Variants in CACNA2D1 observed in about 807,000 individuals in gnomAD.
CACNA2D1 encodes the protein voltage-dependent calcium channel subunit alpha-2/delta-1.
A neutral mutation model predicts 171.5 loss-of-function variants in CACNA2D1; 53 were observed. That is an observed-to-expected ratio of 0.31 (90% CI 0.25 to 0.39). The LOEUF (loss-of-function observed/expected upper bound fraction) is 0.39. Ranked by LOEUF, CACNA2D1 falls within the 10% of genes least tolerant of loss-of-function variation. The pLI is 1.00. For synonymous variants in CACNA2D1, 442 were observed against 443.1 expected (o/e 1.00, Z 0.03); for missense variants, 903 against 1,299.8 (o/e 0.69, Z 4.69).
chr7:82,302,001 TCACC>T (rs1478571055), intron 3 of CACNA2D1, among the ~76,000 whole-genome samples: 2 of 151,954 alleles, frequency 1.3e-5, no homozygotes, highest in African/African-American at 4.8e-5. Flanking sequence ...CTCAGGTAAT[TCACC>T]CACCTCAGCC....
chr7:82,276,405 A>G (rs1352227368), intron 3 of CACNA2D1, among the ~76,000 whole-genome samples: 1 of 152,190 alleles, frequency 6.6e-6, no homozygotes, highest in African/African-American at 2.4e-5. Flanking sequence ...GACGTAGAGA[A>G]GCAAGGATAG....
intron 34 of CACNA2D1, among the ~76,000 whole-genome samples, chr7:81,963,052 G>C (rs1794329456): frequency 6.6e-6 from 1 of 151,790 alleles, no homozygotes. Context: ...CAAATTTCTA[G>C]AACTGAATTT....
chr7:82,043,731 A>G (rs1804218552), intron 10 of CACNA2D1, among the ~76,000 whole-genome samples: 1 of 152,168 alleles, frequency 6.6e-6, no homozygotes, highest in South Asian at 2.1e-4. Flanking sequence ...AATATTTCTG[A>G]GAAGAGGGAC....
chr7:81,974,655 CT>C, intron 24 of CACNA2D1, 103 bp from the exon 25 acceptor site: 1 of 640,284 alleles, frequency 1.6e-6, no homozygotes, highest in South Asian at 1.7e-5. Context: ...AGCCACAAGA[CT>C]TTGCAAACTA....
intron 3 of CACNA2D1, among the ~76,000 whole-genome samples, chr7:82,236,411 G>A (rs185887470): frequency 2.0e-5 from 3 of 152,128 alleles, no homozygotes; most frequent in Admixed American, 2.0e-4. Context: ...CAAACTGATA[G>A]GTACTCTAGA....
At chr7:82,252,475 C>T (rs1287763350) in intron 3 of CACNA2D1, among the ~76,000 whole-genome samples, 3 of 152,136 alleles carry the variant, frequency 2.0e-5, no homozygotes, top group Non-Finnish European at 4.4e-5. Flanking sequence ...TTATTGAATG[C>T]CCGCTGCACT....
intron 1 of CACNA2D1, among the ~76,000 whole-genome samples, chr7:82,350,522 A>G (rs1381476768): frequency 6.6e-6 from 1 of 152,106 alleles, no homozygotes; most frequent in African/African-American, 2.4e-5. Flanking sequence ...AAAACTAGCC[A>G]GGCTTGGTGG....
chr7:82,146,842 T>A (rs1793183615), intron 4 of CACNA2D1, among the ~76,000 whole-genome samples: 1 of 151,096 alleles, frequency 6.6e-6, no homozygotes, highest in African/African-American at 2.4e-5. Flanking sequence ...AAAAATTAGT[T>A]GGCCATGGTG....
chr7:82,198,651 A>G (rs1190461260), intron 3 of CACNA2D1, among the ~76,000 whole-genome samples: 3 of 151,228 alleles, frequency 2.0e-5, no homozygotes, highest in African/African-American at 7.3e-5. Context: ...ATTCAAACAC[A>G]AAGAGATATC....
chr7:82,058,643 T>A (rs868825414), intron 10 of CACNA2D1, among the ~76,000 whole-genome samples: 1 of 152,102 alleles, frequency 6.6e-6, no homozygotes, highest in African/African-American at 2.4e-5. Flanking sequence ...CAGTATCAAG[T>A]TTTAATAAAT....
At chr7:82,436,941 G>A (rs1425455571) in intron 1 of CACNA2D1, among the ~76,000 whole-genome samples, 1 of 151,996 alleles carries the variant, frequency 6.6e-6, no homozygotes, top group East Asian at 1.9e-4. Flanking sequence ...TATCCCTAAG[G>A]TATTGGGCAA....
intron 4 of CACNA2D1, among the ~76,000 whole-genome samples, chr7:82,165,058 T>A (rs898084851): frequency 6.6e-6 from 1 of 151,928 alleles, no homozygotes; most frequent in Non-Finnish European, 1.5e-5. Context: ...TTTAGGACAT[T>A]GGCAGCAATC....
Position 82,208,012 on chromosome 7 carries a change from A to G in CACNA2D1, c.295-37403T>C, listed in dbSNP as rs11976566. Among the ~76,000 whole-genome samples the G allele has an allele frequency of 1.0e-2, 1,517 of 152,288 alleles. 25 individuals are homozygous for G. Among genetic ancestry groups the G allele is most frequent in the African/African-American group, 0.035 (1,446 of 41,560 alleles). ...CTAACTTTTAATGGCAAATAGCAAC[A>G]TATCACATTCTGACTTGCTGTGAAC... On this transcript the variant is annotated intron_variant, in intron 3 of 38. Transcript: ENST00000356860.
At chr7:82,443,289 A>C (rs1376282599) in intron 1 of CACNA2D1, 76 bp downstream of exon 1, 39 of 1,270,590 alleles carry the variant, frequency 3.1e-5, no homozygotes, top group Non-Finnish European at 3.1e-5. Flanking sequence ...AAGCCCCGCG[A>C]CTCGGGAACC....
chr7:81,952,522 C>T (rs146984312), intron 38 of CACNA2D1, among the ~76,000 whole-genome samples: 6 of 152,246 alleles, frequency 3.9e-5, no homozygotes, highest in African/African-American at 1.2e-4. Context: ...TCTTAGTCTT[C>T]ATCCTCTTTG....
Position 82,349,300 on chromosome 7 carries a change from C to T in CACNA2D1, c.177+268G>A, listed in dbSNP as rs151007389. 3.8e-3 allele frequency among the ~76,000 whole-genome samples: 581 copies of T among 152,148 alleles called. 3 individuals are homozygous for T. Among genetic ancestry groups the T allele is most frequent in the Non-Finnish European group, 6.6e-3 (448 of 67,988 alleles). ...TACATGACTTCCCTATTTAAATTTA[C>T]GGAGAGTATACATAACACGCAGACT... On this transcript the variant is annotated intron_variant, in intron 2 of 38. Transcript: ENST00000356860.
At chr7:82,097,397 G>T (rs1812019170) in intron 6 of CACNA2D1, among the ~76,000 whole-genome samples, 1 of 152,156 alleles carries the variant, frequency 6.6e-6, no homozygotes, top group Non-Finnish European at 1.5e-5. Flanking sequence ...GACTGGTGAG[G>T]AGTAATACCA....
At chr7:82,064,277 A>C in intron 9 of CACNA2D1, 27 bp downstream of exon 9, 1 of 1,468,708 alleles carries the variant, frequency 6.8e-7, no homozygotes, top group Non-Finnish European at 9.5e-7. Flanking sequence ...TTCTCAATAT[A>C]TAAATAAGTA....
chr7:82,268,028 C>T (rs114827364), intron 3 of CACNA2D1, among the ~76,000 whole-genome samples: 103 of 152,074 alleles, frequency 6.8e-4, no homozygotes, highest in African/African-American at 2.5e-3. Flanking sequence ...AACCTACAGA[C>T]TCTACAAGCT....
Sources: gnomAD v4.1 joint callset for allele counts (sites outside exome capture counted in the v4.1 genomes callset) on GRCh38, gnomAD v4.1.1 for gene constraint, MANE v1.5 for transcripts, NCBI Gene and HGNC (gene_info 2026-07-23, HGNC 2026-07-21) for gene names.